Variants in LDLRAD3 observed in about 807,000 individuals in gnomAD.
LDLRAD3 encodes low density lipoprotein receptor class A domain containing 3.
In LDLRAD3, 20 loss-of-function variants were observed where a neutral mutation model predicts 29.4. The ratio of observed to expected loss-of-function variants is 0.68; its 90% CI spans 0.48 to 0.99. LDLRAD3 has a LOEUF of 0.99. Among genes scored for constraint, LDLRAD3 ranks in the 50% least tolerant of loss-of-function variants. LDLRAD3 has a pLI of 0.00. For missense variants in LDLRAD3, 420 were observed against 454.3 expected (o/e 0.92, Z 0.69); for synonymous variants, 157 against 192.7 (o/e 0.81, Z 1.53).
chr11:36,037,047 G>A (rs1391904280), intron 2 of LDLRAD3, among the ~76,000 whole-genome samples: 2 of 152,190 alleles, frequency 1.3e-5, no homozygotes, highest in Non-Finnish European at 2.9e-5. Flanking sequence ...TGTCTCTGCA[G>A]AGTGAGCTTG....
chr11:36,194,528 C>T (rs1855003824), intron 4 of LDLRAD3, among the ~76,000 whole-genome samples: 1 of 152,118 alleles, frequency 6.6e-6, no homozygotes, highest in East Asian at 1.9e-4. Flanking sequence ...AGCCTGGTGC[C>T]ACCACTGGGC....
chr11:35,999,789 G>T (rs1484010696), intron 1 of LDLRAD3, among the ~76,000 whole-genome samples: 1 of 152,214 alleles, frequency 6.6e-6, no homozygotes, highest in Non-Finnish European at 1.5e-5. Context: ...CCATGGCAGG[G>T]TCCTCCCCAA....
intron 4 of LDLRAD3, among the ~76,000 whole-genome samples, chr11:36,225,000 G>A (rs1855480072): frequency 6.6e-6 from 1 of 152,078 alleles, no homozygotes; most frequent in Non-Finnish European, 1.5e-5. Flanking sequence ...TTTTCCCATT[G>A]AGTGGCAGGT....
At chr11:35,973,432 C>A (rs1000932359) in intron 1 of LDLRAD3, among the ~76,000 whole-genome samples, 2 of 151,926 alleles carry the variant, frequency 1.3e-5, no homozygotes. Flanking sequence ...GTTGAAGAGT[C>A]AAGGGTGTTT....
intron 1 of LDLRAD3, among the ~76,000 whole-genome samples, chr11:35,979,760 C>T (rs992990516): frequency 2.6e-5 from 4 of 152,164 alleles, no homozygotes; most frequent in African/African-American, 4.8e-5. Flanking sequence ...CTTGTTGCTC[C>T]GTGTTGAGAG....
intron 4 of LDLRAD3, among the ~76,000 whole-genome samples, chr11:36,155,554 T>G (rs1854336025): frequency 6.6e-6 from 1 of 152,222 alleles, no homozygotes; most frequent in African/African-American, 2.4e-5. Flanking sequence ...CTGTGTGACC[T>G]TGAGCAAGTG....
intron 4 of LDLRAD3, among the ~76,000 whole-genome samples, chr11:36,104,499 C>G (rs1024669337): frequency 6.6e-6 from 1 of 152,180 alleles, no homozygotes; most frequent in Non-Finnish European, 1.5e-5. Context: ...TCTCACTGCT[C>G]TAACCACAGA....
intron 1 of LDLRAD3, among the ~76,000 whole-genome samples, chr11:35,999,376 C>T (rs1478491268): frequency 6.6e-6 from 1 of 152,180 alleles, no homozygotes; most frequent in Non-Finnish European, 1.5e-5. Flanking sequence ...AATGTCCTCT[C>T]TGTTGAGAGT....
chr11:36,093,644 G>A (rs1489347766), intron 3 of LDLRAD3, among the ~76,000 whole-genome samples: 1 of 152,150 alleles, frequency 6.6e-6, no homozygotes, highest in Non-Finnish European at 1.5e-5. Flanking sequence ...GCTGCTGGAG[G>A]CACCCTGCCC....
At chr11:36,130,064 G>A (rs1378568351) in intron 4 of LDLRAD3, among the ~76,000 whole-genome samples, 2 of 152,208 alleles carry the variant, frequency 1.3e-5, no homozygotes, top group South Asian at 2.1e-4. Context: ...TGAATGGATA[G>A]TAATAGTAAT....
intron 1 of LDLRAD3, among the ~76,000 whole-genome samples, chr11:36,018,138 C>T (rs942437842): frequency 3.3e-5 from 5 of 152,170 alleles, no homozygotes; most frequent in East Asian, 1.9e-4. Context: ...TGTCTTGCCC[C>T]GTCTTAAAAT....
intron 1 of LDLRAD3, among the ~76,000 whole-genome samples, chr11:36,030,408 C>T (rs539855295): frequency 6.5e-4 from 99 of 151,632 alleles, no homozygotes; most frequent in Non-Finnish European, 5.3e-4. Context: ...CAGAGCCGCT[C>T]ACTCACTGGC....
chr11:35,958,494 C>T (rs958619528), intron 1 of LDLRAD3, among the ~76,000 whole-genome samples: 4 of 152,188 alleles, frequency 2.6e-5, no homozygotes, highest in African/African-American at 7.2e-5. Context: ...TCCCCACTCA[C>T]TAAAAGCTAG....
At chr11:36,128,845 T>G in intron 4 of LDLRAD3, among the ~76,000 whole-genome samples, 2 of 136,794 alleles carry the variant, frequency 1.5e-5, no homozygotes, top group Non-Finnish European at 3.3e-5. Flanking sequence ...TGAGACTGTG[T>G]CTCAAGGAAA....
At chr11:36,122,842 G>A (rs1853779328) in intron 4 of LDLRAD3, among the ~76,000 whole-genome samples, 1 of 152,134 alleles carries the variant, frequency 6.6e-6, no homozygotes, top group South Asian at 2.1e-4. Flanking sequence ...AACATAACGA[G>A]ATCCTATCTC....
chr11:36,217,287 T>TG (rs1855366034), intron 4 of LDLRAD3, among the ~76,000 whole-genome samples: 1 of 152,152 alleles, frequency 6.6e-6, no homozygotes, highest in Non-Finnish European at 1.5e-5. Context: ...GAGTACCTGT[T>TG]GTATTTCCCA....
intron 1 of LDLRAD3, among the ~76,000 whole-genome samples, chr11:35,994,878 T>A (rs1384082977): frequency 6.6e-6 from 1 of 152,258 alleles, no homozygotes; most frequent in East Asian, 1.9e-4. Context: ...CCTCATCCAT[T>A]AAATTTGTTC....
intron 3 of LDLRAD3, among the ~76,000 whole-genome samples, chr11:36,092,627 G>A (rs377486264): frequency 3.3e-5 from 5 of 152,150 alleles, no homozygotes; most frequent in South Asian, 2.1e-4. Context: ...TTTTTAGAGC[G>A]TTTCTGTCCC....
intron 2 of LDLRAD3, among the ~76,000 whole-genome samples, chr11:36,050,962 C>A (rs1284810156): frequency 1.3e-5 from 2 of 152,052 alleles, no homozygotes; most frequent in Non-Finnish European, 2.9e-5. Context: ...TCCCTTGGGC[C>A]TTTTTCATAA....
Sources: allele counts gnomAD v4.1 joint callset (sites outside exome capture counted in the v4.1 genomes callset), GRCh38; gene constraint gnomAD v4.1.1; transcripts MANE v1.5; gene names NCBI Gene and HGNC (gene_info 2026-07-23, HGNC 2026-07-21).